The following SAMD14 variants were observed in gnomAD, a reference collection of about 807,000 sequenced individuals.
The protein encoded by SAMD14 is sterile alpha motif domain containing 14.
SAMD14 carries 27 observed loss-of-function variants against 46.2 expected under a neutral mutation model. That is an observed-to-expected ratio of 0.58 (90% confidence interval 0.43 to 0.81). The LOEUF (loss-of-function observed/expected upper bound fraction) is 0.81, where lower values mean the gene tolerates loss of function less well. SAMD14 is among the 30% of genes least tolerant of loss of function. SAMD14 has a pLI of 0.00. For missense variants in SAMD14, 559 were observed against 582.2 expected, an observed-to-expected ratio of 0.96 and a Z score of 0.41; for synonymous variants, 241 against 254.3, an observed-to-expected ratio of 0.95 and a Z score of 0.50.
At position 50,116,048 on chromosome 17, in the gene SAMD14, G is replaced by T. The variant is rs1450910312; in HGVS notation, c.542C>A (p.Thr181Asn). ...GCGAGTCTTCTTATCGAGGCCGATGGTGGGGCTGGCGGGCTCAGGAGGACT... is the reference window on the plus strand; with the variant it reads ...GCGAGTCTTCTTATCGAGGCCGATGTTGGGGCTGGCGGGCTCAGGAGGACT... ...DASPPEPASP[T>N]IGLDKKTRRK... is the part of the protein sequence containing the mutation. The change falls in exon 5 of 10, where the codon ACC becomes AAC. Residue 181 changes from threonine to asparagine, a missense_variant. By Grantham distance (65) the Thr-to-Asn change is moderately conservative. Coordinates refer to ENST00000330175, the MANE Select transcript of SAMD14 (RefSeq NM_001257359.2). The T allele has an allele frequency of 6.2e-7, 1 of 1,613,970 alleles. No homozygotes were observed. The highest frequency in any genetic ancestry group is 8.5e-7 in the Non-Finnish European group (1 of 1,179,946).
At chr17:50,119,912 T>C (rs1451731053) in intron 2 of SAMD14, among the ~76,000 whole-genome samples, 4 of 152,202 alleles carry the variant, frequency 2.6e-5, no homozygotes, top group African/African-American at 7.2e-5. Flanking sequence ...GCTCCATTCT[T>C]CTAGTTGCTC....
rs778410627 is a variant in SAMD14, at chr17:50,118,228, C to T, written c.143G>A (p.Arg48His). The stretch of plus-strand genomic sequence containing the variant: ...GCTGGCACTGTCCCGAAGCCTGGAG[C>T]GGGATGGCCGGTGTCTCCGGCCCTT... Reference protein sequence around the residue: ...LAKGRRHRPSRSRLRDSASSA... With the variant: ...LAKGRRHRPSHSRLRDSASSA... The change falls in exon 3 of 10, where the codon CGC (arginine) becomes CAC (histidine). Residue 48 changes from arginine to histidine, a missense_variant. Physicochemically the swap from Arg to His is conservative, Grantham distance 29. Transcript: ENST00000330175. 1.2e-6 allele frequency: 2 copies of T among 1,613,762 alleles called. No individual in the cohort carries two copies. The highest frequency in any genetic ancestry group is 2.2e-5 in the East Asian group (1 of 44,870).
In SAMD14 at chr17:50,112,188, G is replaced by A. The variant is rs913995342; in HGVS notation, c.*705C>T. The A allele has an allele frequency of 4.6e-5, 7 of 152,196 alleles. No homozygotes were observed. Among genetic ancestry groups the A allele is most frequent in the Non-Finnish European group, 1.0e-4 (7 of 68,074 alleles). 9.4% of individuals were successfully genotyped at this position (152,196 alleles called of 1,614,324 possible). A position where few individuals can be genotyped will look rare whatever the true frequency, so the allele number is the denominator to read the frequency against. On this transcript the variant is annotated 3_prime_UTR_variant, in exon 10 of 10. Coordinates refer to ENST00000330175, the MANE Select transcript of SAMD14 (RefSeq NM_001257359.2). Reference sequence around the variant, plus strand: ...GGGCCCTGAGAGGCAGACCTGTGTGGTGTCATCTCGCCCCCTGGGACCCAC... The same window carrying A: ...GGGCCCTGAGAGGCAGACCTGTGTGATGTCATCTCGCCCCCTGGGACCCAC...
chr17:50,125,669 A>G (rs1598235624), intron 1 of SAMD14, among the ~76,000 whole-genome samples: 3 of 151,350 alleles, frequency 2.0e-5, no homozygotes, highest in African/African-American at 4.9e-5. Context: ...CTCTTTTCCA[A>G]TCCTGCCTCC....
At chr17:50,128,476 A>ACT (rs200330785) in intron 1 of SAMD14, among the ~76,000 whole-genome samples, 1,944 of 117,266 alleles carry the variant, frequency 0.017, 26 homozygotes, top group African/African-American at 0.038. Flanking sequence ...CACCCCGCAC[A>ACT]CTCTCTCACA....
At chr17:50,121,975 G>A (rs1408579670) in intron 2 of SAMD14, among the ~76,000 whole-genome samples, 2 of 152,348 alleles carry the variant, frequency 1.3e-5, no homozygotes, top group East Asian at 3.9e-4. Context: ...TCCATATACA[G>A]TACTTTGCCA....
chr17:50,117,306 T>C, intron 4 of SAMD14, 101 bp downstream of exon 4: 1 of 1,155,168 alleles, frequency 8.7e-7, no homozygotes, highest in East Asian at 3.2e-5. Context: ...CCAGCCACCC[T>C]GCTCAGCTGC....
intron 2 of SAMD14, among the ~76,000 whole-genome samples, chr17:50,124,667 A>G (rs1352256385): frequency 6.6e-6 from 1 of 152,130 alleles, no homozygotes; most frequent in East Asian, 1.9e-4. Context: ...GCATAAGAGA[A>G]GCACTTAATA....
At chr17:50,124,868 A>G (rs1251828187) in intron 2 of SAMD14, 49 bp downstream of exon 2, 2 of 1,592,890 alleles carry the variant, frequency 1.3e-6, no homozygotes, top group Non-Finnish European at 1.7e-6. Context: ...GGAAGGAAGT[A>G]CTCTATGGCT....
At chr17:50,113,324 G>A (rs1910972463) in intron 9 of SAMD14, 8 of 423,704 alleles carry the variant, frequency 1.9e-5, no homozygotes, top group Admixed American at 4.0e-5. Flanking sequence ...GCCTTGGCCC[G>A]GACCTGCCCA....
At chr17:50,123,279 G>A (rs776234395) in intron 2 of SAMD14, among the ~76,000 whole-genome samples, 2 of 152,226 alleles carry the variant, frequency 1.3e-5, no homozygotes, top group Non-Finnish European at 2.9e-5. Context: ...CACCCTCTCT[G>A]AAGCAGAGAT....
chr17:50,118,475 G>A (rs1911354335), intron 2 of SAMD14, 148 bp from the exon 3 acceptor site: 8 of 929,068 alleles, frequency 8.6e-6, no homozygotes, highest in Non-Finnish European at 9.4e-6. Context: ...GAAAAACAGG[G>A]TGTCTCCCCG....
intron 2 of SAMD14, among the ~76,000 whole-genome samples, chr17:50,120,344 AAG>A (rs1911445664): frequency 6.6e-6 from 1 of 152,086 alleles, no homozygotes; most frequent in Non-Finnish European, 1.5e-5. Flanking sequence ...AGGAAAGAAA[AAG>A]AGGGGAGAGG....
intron 2 of SAMD14, among the ~76,000 whole-genome samples, chr17:50,120,290 A>T (rs774781063): frequency 2.0e-5 from 3 of 152,094 alleles, no homozygotes; most frequent in Non-Finnish European, 4.4e-5. Flanking sequence ...ATGCGTACAT[A>T]TGGAGAGAAA....
At chr17:50,121,847 C>T (rs1024768807) in intron 2 of SAMD14, among the ~76,000 whole-genome samples, 2 of 152,168 alleles carry the variant, frequency 1.3e-5, no homozygotes, top group Admixed American at 6.5e-5. Flanking sequence ...TATCATTTGC[C>T]GGCTGGGTGA....
chr17:50,113,048 T>C lies in SAMD14; in HGVS notation c.1099A>G (p.Ser367Gly). Residue 367 changes from serine (S) to glycine (G), a missense_variant and splice_region_variant, in exon 10 of 10, where the codon AGC (serine) becomes GGC (glycine). Coordinates refer to ENST00000330175, the MANE Select transcript of SAMD14 (RefSeq NM_001257359.2). ...TCATGAGAGTTGCTGAGCCCCAGGC[T>C]CTGGGGAGGAGTCCGGGGTGAGGGA... is the stretch of plus-strand genomic sequence containing the variant. ...LLQLDGSKLK[S>G]LGLSNSHDRA... 1 of 1,611,610 alleles carries C rather than the reference T, an allele frequency of 6.2e-7. No individual in the cohort carries two copies. The highest frequency in any genetic ancestry group is 8.5e-7 in the Non-Finnish European group (1 of 1,179,932).
At chr17:50,119,695 C>T (rs1005513672) in intron 2 of SAMD14, among the ~76,000 whole-genome samples, 7 of 152,256 alleles carry the variant, frequency 4.6e-5, no homozygotes, top group Admixed American at 4.6e-4. Flanking sequence ...CAGTGAAAAG[C>T]CCCCTTGTCC....
At chr17:50,117,338 C>A in intron 4 of SAMD14, 69 bp downstream of exon 4, 1 of 1,253,538 alleles carries the variant, frequency 8.0e-7, no homozygotes, top group Non-Finnish European at 1.0e-6. Flanking sequence ...CTGCGGTGCG[C>A]GCCGGGACCG....
intron 1 of SAMD14, among the ~76,000 whole-genome samples, chr17:50,128,990 G>T (rs1321013823): frequency 6.6e-6 from 1 of 152,196 alleles, no homozygotes; most frequent in Non-Finnish European, 1.5e-5. Context: ...GGGAAGAGGT[G>T]GATGGGAAAG....
Sources: gnomAD v4.1 joint callset for allele counts (sites outside exome capture counted in the v4.1 genomes callset) on GRCh38, gnomAD v4.1.1 for gene constraint, MANE v1.5 for transcripts, NCBI Gene and HGNC (gene_info 2026-07-23, HGNC 2026-07-21) for gene names.